The following ERAP1 variants were observed in gnomAD, a reference collection of about 807,000 sequenced individuals.
ERAP1 encodes the protein endoplasmic reticulum aminopeptidase 1, also known as adipocyte-derived leucine aminopeptidase.
Under a neutral mutation model 103.7 loss-of-function variants are expected in ERAP1, and 86 were observed. The ratio of observed to expected loss-of-function variants is 0.83; its 90% confidence interval spans 0.70 to 0.99. ERAP1 has a LOEUF of 0.99. Among genes scored for constraint, ERAP1 ranks in the 50% least tolerant of loss-of-function variants. The probability of loss-of-function intolerance (pLI) is 0.00; values close to 1 mark genes in which losing one functional copy is unlikely to be tolerated. For missense variants in ERAP1, 1,009 were observed against 1,128.4 expected (o/e 0.89, Z 1.52); for synonymous variants, 398 against 402.4 (o/e 0.99, Z 0.13).
At chr5:96,785,591 C>T (rs1554112119) in intron 13 of ERAP1, 197 bp downstream of exon 13, 1 of 612,212 alleles carries the variant, frequency 1.6e-6, no homozygotes, top group Non-Finnish European at 2.9e-6. Flanking sequence ...AGATTCCTTC[C>T]TTCAAGTGCC....
chr5:96,791,546 CA>C (rs1776735563), intron 8 of ERAP1, among the ~76,000 whole-genome samples: 1 of 152,184 alleles, frequency 6.6e-6, no homozygotes, highest in Non-Finnish European at 1.5e-5. Context: ...GCTTATGCTG[CA>C]AAGAACATAC....
intron 19 of ERAP1, among the ~76,000 whole-genome samples, chr5:96,767,084 G>T (rs542619429): frequency 6.6e-6 from 1 of 152,304 alleles, no homozygotes; most frequent in South Asian, 2.1e-4. Flanking sequence ...GACTTTCTAA[G>T]TGTAATAAGC....
chr5:96,923,628 A>T, the ERAP1 span, among the ~76,000 whole-genome samples: 1 of 151,060 alleles, frequency 6.6e-6, no homozygotes, highest in Non-Finnish European at 1.5e-5. Flanking sequence ...CAGGAGGCAG[A>T]GCTTGCAGTG....
chr5:96,926,678 TG>T, the ERAP1 span, among the ~76,000 whole-genome samples: 1 of 152,382 alleles, frequency 6.6e-6, no homozygotes, highest in South Asian at 2.1e-4. Flanking sequence ...TTCTTTTTAT[TG>T]TTGAATAATA....
chr5:96,876,933 A>G, the ERAP1 span, among the ~76,000 whole-genome samples: 4,669 of 152,156 alleles, frequency 0.031, 103 homozygotes, highest in Middle Eastern at 0.11. Flanking sequence ...AGAAGTCACC[A>G]TCCTGTTCCT....
At chr5:96,930,394 T>C in the ERAP1 span, among the ~76,000 whole-genome samples, 1 of 152,232 alleles carries the variant, frequency 6.6e-6, no homozygotes, top group African/African-American at 2.4e-5. Flanking sequence ...TGAAGCTCCA[T>C]TGCGCATGCA....
chr5:96,933,221 T>G, the ERAP1 span, among the ~76,000 whole-genome samples: 2 of 137,440 alleles, frequency 1.5e-5, no homozygotes, highest in African/African-American at 5.6e-5. Context: ...CTTTTTTTTT[T>G]TTTTTTTTTT....
rs373556002 is a variant in ERAP1, at chr5:96,767,407, T to A, written c.2819-4179A>T. 5 of 1,588,012 alleles carry A rather than the reference T, an allele frequency of 3.1e-6. No individual in the cohort carries two copies. The Admixed American group carries it at 8.4e-5, about 27-fold the overall frequency. On this transcript the variant is annotated intron_variant, in intron 19 of 19. Coordinates refer to the ERAP1 transcript ENST00000296754. ...CTAAGTAAACCTTTACAGATATCTA[T>A]GCTTAACCAATAGTCTGCCTTCTTT...
the ERAP1 span, among the ~76,000 whole-genome samples, chr5:96,881,730 C>G: frequency 6.6e-6 from 1 of 152,110 alleles, no homozygotes; most frequent in Non-Finnish European, 1.5e-5. Flanking sequence ...ATTGCTGCAC[C>G]TCTAGGCATC....
the ERAP1 span, among the ~76,000 whole-genome samples, chr5:96,905,450 T>C: frequency 2.6e-5 from 4 of 152,250 alleles, no homozygotes; most frequent in African/African-American, 9.6e-5. Context: ...TATTTACTTA[T>C]ATTACATTTA....
intron 19 of ERAP1, chr5:96,763,319 G>A: frequency 1.3e-6 from 1 of 775,078 alleles, no homozygotes; most frequent in Non-Finnish European, 2.4e-6. Context: ...TTATAATAAA[G>A]CACTTAAAAC....
chr5:96,841,985 T>C, the ERAP1 span, among the ~76,000 whole-genome samples: 1 of 152,168 alleles, frequency 6.6e-6, no homozygotes, highest in African/African-American at 2.4e-5. Flanking sequence ...ATCATTCTTA[T>C]GCCTTTGTGT....
chr5:96,766,761 T>C (rs2080748087), intron 19 of ERAP1, among the ~76,000 whole-genome samples: 1 of 152,192 alleles, frequency 6.6e-6, no homozygotes, highest in Non-Finnish European at 1.5e-5. Context: ...TTGAGTCAAT[T>C]AGATGATAAA....
Position 96,780,490 on chromosome 5 carries a change from G to T in ERAP1, c.2603C>A (p.Ser868Ter). The part of the protein sequence containing the change: ...NKLVQKFELG[S>*]SSIAHMVMGT... ...CATTACCATGTGGGCTATGGAAGAT[G>T]AGCCAAGTTCAAACCTAGAGAGGGA... Residue 868 changes from serine to a stop codon, truncating the protein, a stop_gained, in exon 18 of 19, where the codon TCA (serine) becomes TAA (stop). Coordinates refer to ENST00000443439, the MANE Select transcript of ERAP1 (RefSeq NM_001040458.3). LOFTEE classifies it high-confidence loss of function. 6.2e-7 allele frequency: 1 copy of T among 1,612,950 alleles called. No individual in the cohort carries two copies. Among genetic ancestry groups the T allele is most frequent in the Non-Finnish European group, 8.5e-7 (1 of 1,179,234 alleles).
the ERAP1 span, among the ~76,000 whole-genome samples, chr5:96,929,612 C>G: frequency 6.6e-6 from 1 of 152,022 alleles, no homozygotes; most frequent in Admixed American, 6.6e-5. Context: ...TTAAATGATT[C>G]TCTTGCCTCA....
At position 96,803,415 on chromosome 5, in the gene ERAP1, T is replaced by C; in HGVS notation, c.512A>G (p.Glu171Gly). The C allele has an allele frequency of 6.2e-7, 1 of 1,613,262 alleles. No homozygotes were observed. Among genetic ancestry groups the C allele is most frequent in the Non-Finnish European group, 8.5e-7 (1 of 1,179,798 alleles). Reference sequence around the variant, plus strand: ...GAAAAAAAAATACCTCAGTTCCCCTTCCTTGGTTCTGTAGGTGCTTTTGTA... The same window carrying C: ...GAAAAAAAAATACCTCAGTTCCCCTCCCTTGGTTCTGTAGGTGCTTTTGTA... ...GFYKSTYRTK[E>G]GELRILASTQ... Residue 171 changes from glutamate (E) to glycine (G), a missense_variant, in exon 2 of 19, where the codon GAA (glutamate) becomes GGA (glycine). Coordinates refer to ENST00000443439, the MANE Select transcript of ERAP1 (RefSeq NM_001040458.3).
chr5:96,766,297 A>T (rs1220184321), intron 19 of ERAP1: 2 of 559,118 alleles, frequency 3.6e-6, no homozygotes, highest in Admixed American at 3.4e-5. Context: ...GCCGACCAGC[A>T]GGTAAATATT....
In ERAP1 at chr5:96,781,685, G is replaced by A. The variant is rs373846334; in HGVS notation, c.2447+8C>T. On this transcript the variant is annotated splice_region_variant and intron_variant, in intron 16 of 18. Transcript: ENST00000443439. Reference sequence around the variant, plus strand: ...GGCCACATGAACATGAATGAATGACGGACTCACCATTGAAGCTTTTCCTTA... The same window carrying A: ...GGCCACATGAACATGAATGAATGACAGACTCACCATTGAAGCTTTTCCTTA... 2.7e-4 allele frequency: 430 copies of A among 1,613,934 alleles called. No individual in the cohort carries two copies. Among genetic ancestry groups the A allele is most frequent in the Non-Finnish European group, 3.5e-4 (411 of 1,179,962 alleles).
chr5:96,762,315 G>A (rs755290356), exon 20 of ERAP1: 1 of 1,608,836 alleles, frequency 6.2e-7, no homozygotes, highest in Non-Finnish European at 8.5e-7. Context: ...TCTCTGAAGT[G>A]GTTTCCCAAA....
Sources: allele counts gnomAD v4.1 joint callset (sites outside exome capture counted in the v4.1 genomes callset), GRCh38; gene constraint gnomAD v4.1.1; transcripts MANE v1.5; gene names NCBI Gene and HGNC (gene_info 2026-07-23, HGNC 2026-07-21).